JAM3: variants seen among roughly 807,000 people sequenced by gnomAD.
JAM3 encodes junctional adhesion molecule C.
A neutral mutation model predicts 39.4 loss-of-function variants in JAM3; 31 were observed. That is an observed-to-expected ratio of 0.79 (90% CI 0.59 to 1.06). JAM3 has a LOEUF of 1.06. Among genes scored for constraint, JAM3 ranks in the 50% least tolerant of loss-of-function variants. The probability of loss-of-function intolerance (pLI) is 0.00; values close to 1 mark genes in which losing one functional copy is unlikely to be tolerated. For synonymous variants in JAM3, 182 were observed against 148.7 expected, an observed-to-expected ratio of 1.22 and a Z score of -1.63; for missense variants, 455 against 391.4, an observed-to-expected ratio of 1.16 and a Z score of -1.37.
chr11:134,112,658 T>G (rs1942339249), intron 1 of JAM3, among the ~76,000 whole-genome samples: 1 of 152,192 alleles, frequency 6.6e-6, no homozygotes, highest in Non-Finnish European at 1.5e-5. Flanking sequence ...AGGTAGGTAC[T>G]GCAATTACCC....
At chr11:134,091,636 A>C (rs948366319) in intron 1 of JAM3, among the ~76,000 whole-genome samples, 2 of 151,920 alleles carry the variant, frequency 1.3e-5, no homozygotes, top group African/African-American at 4.8e-5. Flanking sequence ...TGTCAAAAAA[A>C]AAAAAAATTG....
chr11:134,138,440 A>G (rs514873), intron 1 of JAM3, among the ~76,000 whole-genome samples: 81 of 56,260 alleles, frequency 1.4e-3, no homozygotes, highest in African/African-American at 9.0e-3. Context: ...TTTATGGCCA[A>G]TAGTCCCTTA....
At chr11:134,083,773 C>G (rs1053645201) in intron 1 of JAM3, among the ~76,000 whole-genome samples, 1 of 152,090 alleles carries the variant, frequency 6.6e-6, no homozygotes, top group African/African-American at 2.4e-5. Flanking sequence ...TATACCTCCT[C>G]TGTAGTGGAG....
chr11:134,131,391 C>T (rs992325877), intron 1 of JAM3, among the ~76,000 whole-genome samples: 2 of 151,856 alleles, frequency 1.3e-5, no homozygotes, highest in Non-Finnish European at 2.9e-5. Context: ...AAATGGACTA[C>T]TACAGCCTTA....
intron 1 of JAM3, among the ~76,000 whole-genome samples, chr11:134,076,151 CTTTTTTTTTT>C (rs551303530): frequency 8.3e-6 from 1 of 120,406 alleles, no homozygotes; most frequent in South Asian, 2.7e-4. Flanking sequence ...TCTTTTCTTT[CTTTTTTTTTT>C]TTTTTTTTTT....
intron 1 of JAM3, among the ~76,000 whole-genome samples, chr11:134,099,641 C>T (rs970078323): frequency 1.3e-5 from 2 of 152,172 alleles, no homozygotes; most frequent in African/African-American, 4.8e-5. Context: ...CTCGCTCTGT[C>T]ACCCGCCCAG....
chr11:134,096,884 C>T (rs1034296651), intron 1 of JAM3, among the ~76,000 whole-genome samples: 1 of 152,162 alleles, frequency 6.6e-6, no homozygotes, highest in Non-Finnish European at 1.5e-5. Flanking sequence ...TTCACCAAAT[C>T]TAGCAAATCT....
intron 1 of JAM3, among the ~76,000 whole-genome samples, chr11:134,088,500 G>T (rs371607095): frequency 9.9e-5 from 15 of 151,732 alleles, no homozygotes; most frequent in South Asian, 2.1e-4. Context: ...ATTCTTTAAG[G>T]AAAAAACGGA....
At chr11:134,131,225 CTCT>C (rs1308062698) in intron 1 of JAM3, among the ~76,000 whole-genome samples, 3 of 99,908 alleles carry the variant, frequency 3.0e-5, no homozygotes, top group Non-Finnish European at 5.4e-5. Flanking sequence ...CTATAATATG[CTCT>C]TTTTTGGGGG....
intron 5 of JAM3, 55 bp downstream of exon 5, chr11:134,145,049 G>T (rs780269013): frequency 8.0e-6 from 11 of 1,382,324 alleles, no homozygotes; most frequent in African/African-American, 5.7e-5. Context: ...GGCAAGAGAT[G>T]CTTATTGTGA....
At chr11:134,110,977 G>A (rs1205062910) in intron 1 of JAM3, among the ~76,000 whole-genome samples, 2 of 151,716 alleles carry the variant, frequency 1.3e-5, no homozygotes, top group Non-Finnish European at 1.5e-5. Context: ...TCCCAAAACT[G>A]GACATAGATA....
intron 1 of JAM3, among the ~76,000 whole-genome samples, chr11:134,107,223 A>G (rs926532414): frequency 3.3e-5 from 5 of 152,314 alleles, no homozygotes; most frequent in East Asian, 1.9e-4. Flanking sequence ...TCAGCAAACT[A>G]TCGCAAGGAC....
intron 1 of JAM3, among the ~76,000 whole-genome samples, chr11:134,087,323 CAGAG>C (rs1333954787): frequency 2.0e-5 from 3 of 152,090 alleles, no homozygotes; most frequent in East Asian, 3.9e-4. Flanking sequence ...GTTTAAGAAT[CAGAG>C]AGTATATATT....
At chr11:134,121,813 A>T (rs1565496307) in intron 1 of JAM3, among the ~76,000 whole-genome samples, 1 of 131,100 alleles carries the variant, frequency 7.6e-6, no homozygotes, top group Non-Finnish European at 1.6e-5. Flanking sequence ...CACTGCGTGC[A>T]TGTGTGCGCA....
chr11:134,111,190 C>T (rs1942302739), intron 1 of JAM3, among the ~76,000 whole-genome samples: 1 of 131,568 alleles, frequency 7.6e-6, no homozygotes, highest in South Asian at 2.4e-4. Context: ...GTCGCCCAGG[C>T]TCGAGTGCAG....
Position 134,139,924 on chromosome 11 carries a change from C to T in JAM3, c.142+8C>T, listed in dbSNP as rs1450926468. 1 of 1,606,164 alleles carries T rather than the reference C, an allele frequency of 6.2e-7. No individual in the cohort carries two copies. Among genetic ancestry groups the T allele is most frequent in the Non-Finnish European group, 8.5e-7 (1 of 1,172,980 alleles). On this transcript the variant is annotated splice_region_variant and intron_variant, in intron 2 of 8. Coordinates refer to ENST00000299106, the MANE Select transcript of JAM3 (RefSeq NM_032801.5). ...TGGTACAGGAATTTGAAAGTAAGTA[C>T]AAACGAAATGCCTAGGATAATGGGC...
At chr11:134,124,806 G>A (rs1245973387) in intron 1 of JAM3, among the ~76,000 whole-genome samples, 3 of 152,232 alleles carry the variant, frequency 2.0e-5, no homozygotes, top group Admixed American at 1.3e-4. Flanking sequence ...GAACCTCTAA[G>A]CTTGTCAGCG....
At chr11:134,115,918 G>A (rs778907910) in intron 1 of JAM3, among the ~76,000 whole-genome samples, 48 of 151,962 alleles carry the variant, frequency 3.2e-4, no homozygotes, top group Non-Finnish European at 6.0e-4. Flanking sequence ...ATAAAAAATT[G>A]GAGGAGGGGA....
chr11:134,129,548 A>G (rs1404403251), intron 1 of JAM3, among the ~76,000 whole-genome samples: 3 of 152,184 alleles, frequency 2.0e-5, no homozygotes, highest in African/African-American at 7.2e-5. Context: ...GGACCTCTGG[A>G]AAGTCATTGG....
Sources: allele counts gnomAD v4.1 joint callset (sites outside exome capture counted in the v4.1 genomes callset), GRCh38; gene constraint gnomAD v4.1.1; transcripts MANE v1.5; gene names NCBI Gene and HGNC (gene_info 2026-07-23, HGNC 2026-07-21).